The following TRPM3 variants were observed in gnomAD, a reference collection of about 807,000 sequenced individuals.
The protein encoded by TRPM3 is long transient receptor potential channel 3.
A neutral mutation model predicts 181.2 loss-of-function variants in TRPM3; 77 were observed. The ratio of observed to expected loss-of-function variants is 0.42; its 90% CI spans 0.35 to 0.51. The LOEUF (loss-of-function observed/expected upper bound fraction) is 0.51, where lower values mean the gene tolerates loss of function less well. TRPM3 is among the 20% of genes least tolerant of loss of function. TRPM3 has a pLI of 0.01. For synonymous variants in TRPM3, 745 were observed against 796.4 expected (o/e 0.94, Z 1.09); for missense variants, 1,759 against 2,196.7 (o/e 0.80, Z 3.98).
intron 1 of TRPM3, among the ~76,000 whole-genome samples, chr9:71,279,271 CA>C (rs1429299290): frequency 1.3e-5 from 2 of 151,900 alleles, no homozygotes; most frequent in Non-Finnish European, 2.9e-5. Context: ...CAGTTGCAGC[CA>C]GATCCACTGG....
chr9:71,437,370 A>C (rs2094057825), intron 1 of TRPM3, among the ~76,000 whole-genome samples: 1 of 152,214 alleles, frequency 6.6e-6, no homozygotes, highest in Admixed American at 6.5e-5. Context: ...AGCTAAGAAT[A>C]ATTTTTGCAT....
chr9:70,885,186 T>C (rs1238791207), intron 1 of TRPM3, among the ~76,000 whole-genome samples: 2 of 152,320 alleles, frequency 1.3e-5, no homozygotes, highest in Non-Finnish European at 2.9e-5. Context: ...AGTATCTTCT[T>C]AAAGCAGGAT....
At chr9:70,838,730 C>T (rs1379871289) in intron 5 of TRPM3, among the ~76,000 whole-genome samples, 1 of 152,082 alleles carries the variant, frequency 6.6e-6, no homozygotes, top group Non-Finnish European at 1.5e-5. Flanking sequence ...GTGGAGCCAA[C>T]CTCAATAACT....
chr9:70,993,653 G>T (rs990051520), intron 1 of TRPM3, among the ~76,000 whole-genome samples: 3 of 152,060 alleles, frequency 2.0e-5, no homozygotes, highest in Admixed American at 6.6e-5. Flanking sequence ...AAGTCGAGAT[G>T]GTCTTTGACA....
chr9:70,787,204 A>T (rs1443035364), intron 6 of TRPM3, among the ~76,000 whole-genome samples: 1 of 152,194 alleles, frequency 6.6e-6, no homozygotes, highest in Non-Finnish European at 1.5e-5. Flanking sequence ...ATTTGAACTG[A>T]AACTAATTAC....
intron 1 of TRPM3, among the ~76,000 whole-genome samples, chr9:71,427,625 T>G (rs2093887377): frequency 6.6e-6 from 1 of 152,198 alleles, no homozygotes; most frequent in African/African-American, 2.4e-5. Context: ...TGGATGCAGG[T>G]GGAGGCCATT....
chr9:70,817,398 G>C (rs540431838), intron 6 of TRPM3, among the ~76,000 whole-genome samples: 6 of 152,292 alleles, frequency 3.9e-5, no homozygotes, highest in Admixed American at 3.3e-4. Context: ...GAGATGAAAT[G>C]AGTCCTCACA....
intron 1 of TRPM3, among the ~76,000 whole-genome samples, chr9:71,296,637 A>G (rs1005853329): frequency 6.6e-6 from 1 of 152,104 alleles, no homozygotes; most frequent in African/African-American, 2.4e-5. Context: ...TTTTATTCTA[A>G]TGCACTTGAG....
intron 22 of TRPM3, among the ~76,000 whole-genome samples, chr9:70,575,157 C>T (rs1262945965): frequency 6.8e-6 from 1 of 147,260 alleles, no homozygotes; most frequent in Non-Finnish European, 1.5e-5. Context: ...TATTTCCAGG[C>T]TGGTCTTGAA....
At chr9:71,259,547 G>A (rs867535487) in intron 1 of TRPM3, among the ~76,000 whole-genome samples, 8 of 152,108 alleles carry the variant, frequency 5.3e-5, no homozygotes, top group Admixed American at 2.6e-4. Context: ...ATCCTCTCCT[G>A]CATCTGTTAT....
chr9:71,251,087 T>C (rs1430030283), intron 1 of TRPM3, among the ~76,000 whole-genome samples: 2 of 152,198 alleles, frequency 1.3e-5, no homozygotes, highest in Non-Finnish European at 2.9e-5. Flanking sequence ...CTTGTACTTT[T>C]AGAGAAAGTT....
At chr9:70,800,233 T>C (rs1049970081) in intron 6 of TRPM3, among the ~76,000 whole-genome samples, 1 of 152,232 alleles carries the variant, frequency 6.6e-6, no homozygotes. Context: ...ACAAAGTTGC[T>C]TGTGAATTTC....
chr9:71,326,219 T>C (rs947597433), intron 1 of TRPM3, among the ~76,000 whole-genome samples: 15 of 152,202 alleles, frequency 9.9e-5, no homozygotes, highest in Non-Finnish European at 5.9e-5. Flanking sequence ...CAAAATGTCC[T>C]ACATTTCTAA....
At chr9:70,782,025 C>A (rs2130810996) in intron 7 of TRPM3, among the ~76,000 whole-genome samples, 1 of 151,746 alleles carries the variant, frequency 6.6e-6, no homozygotes, top group Non-Finnish European at 1.5e-5. Context: ...CCCAGAAAAA[C>A]AAAAGGTGCA....
chr9:70,636,097 C>T (rs988126325), intron 11 of TRPM3, among the ~76,000 whole-genome samples: 5 of 152,140 alleles, frequency 3.3e-5, no homozygotes, highest in Admixed American at 6.5e-5. Flanking sequence ...GTGGGTCACA[C>T]GGTCTTTACT....
At chr9:71,342,967 AT>A (rs1485114822) in intron 1 of TRPM3, among the ~76,000 whole-genome samples, 1 of 152,156 alleles carries the variant, frequency 6.6e-6, no homozygotes, top group Admixed American at 6.6e-5. Flanking sequence ...AAATTTAAAA[AT>A]ATCTACAATA....
chr9:71,204,068 G>C (rs2078968991), intron 1 of TRPM3, among the ~76,000 whole-genome samples: 1 of 151,206 alleles, frequency 6.6e-6, no homozygotes, highest in African/African-American at 2.4e-5. Flanking sequence ...AATTCAAGAT[G>C]GATTAAAGAC....
intron 1 of TRPM3, chr9:71,446,634 C>T (rs1172897615): frequency 6.5e-7 from 1 of 1,547,670 alleles, no homozygotes; most frequent in African/African-American, 1.4e-5. Flanking sequence ...AAGACTGGGG[C>T]TCTCCCCCGG....
chr9:70,795,336 T>C (rs1170076131), intron 6 of TRPM3, among the ~76,000 whole-genome samples: 7 of 152,358 alleles, frequency 4.6e-5, no homozygotes, highest in South Asian at 2.1e-4. Context: ...GTTTTATGCT[T>C]AAACACAAAT....
Sources: allele counts gnomAD v4.1 joint callset (sites outside exome capture counted in the v4.1 genomes callset), GRCh38; gene constraint gnomAD v4.1.1; transcripts MANE v1.5; gene names NCBI Gene and HGNC (gene_info 2026-07-23, HGNC 2026-07-21).